Variants in SLC38A4 observed in about 807,000 individuals in gnomAD.
SLC38A4 encodes sodium-coupled neutral amino acid transporter 4.
SLC38A4 carries 20 observed loss-of-function variants against 63.1 expected under a neutral mutation model. The ratio of observed to expected loss-of-function variants is 0.32; its 90% CI spans 0.22 to 0.46. The LOEUF (loss-of-function observed/expected upper bound fraction) is 0.46, where lower values mean the gene tolerates loss of function less well. SLC38A4 is among the 20% of genes least tolerant of loss of function. The pLI is 1.00. For missense variants in SLC38A4, 526 were observed against 663.6 expected (o/e 0.79, Z 2.28); for synonymous variants, 230 against 225.5 (o/e 1.02, Z -0.18).
At chr12:46,797,149 G>C (rs1939026481) in intron 2 of SLC38A4, among the ~76,000 whole-genome samples, 1 of 152,070 alleles carries the variant, frequency 6.6e-6, no homozygotes, top group African/African-American at 2.4e-5. Flanking sequence ...CCACTCCCAA[G>C]ACTTCATATA....
At chr12:46,788,837 A>C (rs971802141) in intron 3 of SLC38A4, among the ~76,000 whole-genome samples, 2 of 152,184 alleles carry the variant, frequency 1.3e-5, no homozygotes, top group Admixed American at 1.3e-4. Context: ...TTATAAAGGA[A>C]GGAAATATTA....
intron 2 of SLC38A4, among the ~76,000 whole-genome samples, chr12:46,797,515 C>T (rs1409902471): frequency 1.3e-5 from 2 of 152,148 alleles, no homozygotes; most frequent in Non-Finnish European, 2.9e-5. Context: ...CCTTTGGCCT[C>T]AGATTAAATT....
intron 14 of SLC38A4, among the ~76,000 whole-genome samples, chr12:46,769,794 T>C (rs1938377600): frequency 6.6e-6 from 1 of 152,112 alleles, no homozygotes; most frequent in Non-Finnish European, 1.5e-5. Context: ...TACAGTAACA[T>C]GCTGTACAGG....
In SLC38A4 at chr12:46,802,451, T is replaced by C. The variant is rs116855505; in HGVS notation, c.-113+1152A>G. ...CTTTCTTTAAACTAACTCACATAAC[T>C]AAAAAACAGCTTCAATAACCTTAAA... On this transcript the variant is annotated intron_variant, in intron 2 of 16. Transcript: ENST00000266579. Among the ~76,000 whole-genome samples, 428 of 152,096 alleles carry C rather than the reference T, an allele frequency of 2.8e-3. 2 individuals carry two copies. Among genetic ancestry groups the C allele is most frequent in the Non-Finnish European group, 4.3e-3 (295 of 67,908 alleles).
At chr12:46,819,800 A>G (rs1939505549) in intron 1 of SLC38A4, among the ~76,000 whole-genome samples, 2 of 152,058 alleles carry the variant, frequency 1.3e-5, no homozygotes, top group Middle Eastern at 3.4e-3. Flanking sequence ...CTAGTTTGGA[A>G]CTACTACACA....
At chr12:46,800,141 A>G (rs1343864941) in intron 2 of SLC38A4, among the ~76,000 whole-genome samples, 1 of 152,110 alleles carries the variant, frequency 6.6e-6, no homozygotes, top group Non-Finnish European at 1.5e-5. Context: ...CTCACTGGGT[A>G]GACCTGGCTG....
chr12:46,799,682 G>A (rs1939090965), intron 2 of SLC38A4, among the ~76,000 whole-genome samples: 1 of 152,086 alleles, frequency 6.6e-6, no homozygotes, highest in Non-Finnish European at 1.5e-5. Context: ...TAACTCTGAA[G>A]ATTATATCAC....
chr12:46,815,787 C>T (rs1939431182), intron 1 of SLC38A4, among the ~76,000 whole-genome samples: 2 of 151,858 alleles, frequency 1.3e-5, no homozygotes, highest in African/African-American at 4.8e-5. Context: ...TCCAGGCAAA[C>T]ATTTCAGGAA....
chr12:46,779,781 T>G lies in SLC38A4; in HGVS notation c.657A>C (p.Leu219Phe), dbSNP rs1487020102. The G allele has an allele frequency of 1.2e-6, 2 of 1,606,044 alleles. No individual in the cohort carries two copies. The highest frequency in any genetic ancestry group is 2.2e-5 in the South Asian group (2 of 89,204). ...TTTCCAGTTAGAAAATATCTTTACC[T>G]AAATTTTTAAGGAGCGAAAGTGGAA... is the stretch of plus-strand genomic sequence containing the variant. ...IILPLSLLKNLGYLGYTSGFS... is the reference protein window; with the variant it reads ...IILPLSLLKNFGYLGYTSGFS... The change falls in exon 9 of 17, where the codon TTA becomes TTC. Residue 219 changes from leucine to phenylalanine, a missense_variant and splice_region_variant. Physicochemically the swap from Leu to Phe is conservative, Grantham distance 22 (BLOSUM62 0). Transcript: ENST00000266579.
chr12:46,779,443 A>C (rs1052752732), intron 10 of SLC38A4, among the ~76,000 whole-genome samples, 168 bp downstream of exon 10: 6 of 152,000 alleles, frequency 3.9e-5, no homozygotes, highest in African/African-American at 1.4e-4. Context: ...ACTATCTTTA[A>C]ATCGTAGCTG....
At position 46,766,079 on chromosome 12, in the gene SLC38A4, A is replaced by T. The variant is rs1938292572; in HGVS notation, c.*622T>A. 1.6e-5 allele frequency: 3 copies of T among 189,774 alleles called. No homozygotes were observed. The South Asian group carries it at 3.2e-4, about 20-fold the overall frequency. The allele number at this position is 189,774 out of a possible 1,614,324, so 11.8% of individuals were successfully genotyped here. A position where few individuals can be genotyped will look rare whatever the true frequency, so the allele number is the denominator to read the frequency against. On this transcript the variant is annotated 3_prime_UTR_variant, in exon 17 of 17. Transcript: ENST00000266579. ...TTTAACATTTACAAAAATCTATTGA[A>T]TATAGAAGTCACAACTCAATGTCAC...
At chr12:46,768,783 T>C (rs1390750372) in intron 15 of SLC38A4, among the ~76,000 whole-genome samples, 1 of 152,098 alleles carries the variant, frequency 6.6e-6, no homozygotes, top group Non-Finnish European at 1.5e-5. Context: ...AAGTTTTAGA[T>C]TGTGTTTAAA....
chr12:46,788,692 G>A, intron 3 of SLC38A4, 74 bp from the exon 4 acceptor site: 1 of 1,302,200 alleles, frequency 7.7e-7, no homozygotes, highest in African/African-American at 1.5e-5. Flanking sequence ...TATGTTTCAG[G>A]TGATCTAAGT....
rs2430921 is a variant in SLC38A4, at chr12:46,765,413, A to T, written c.*1288T>A. On this transcript the variant is annotated 3_prime_UTR_variant, in exon 17 of 17. Transcript: ENST00000266579. ...ACCTGTGTGAGCTAAACTGAACTAAATCCTATTTTAGATATGCTAAATTAA... is the reference window on the plus strand; with the variant it reads ...ACCTGTGTGAGCTAAACTGAACTAATTCCTATTTTAGATATGCTAAATTAA... The T allele has an allele frequency of 0.71, 240,039 of 336,388 alleles. 88,320 individuals carry two copies. The highest frequency in any genetic ancestry group is 0.79 in the Middle Eastern group (1,970 of 2,502). 20.8% of individuals were successfully genotyped at this position (336,388 alleles called of 1,614,324 possible).
intron 1 of SLC38A4, among the ~76,000 whole-genome samples, chr12:46,820,098 A>G (rs1319137456): frequency 6.6e-6 from 1 of 151,994 alleles, no homozygotes; most frequent in African/African-American, 2.4e-5. Context: ...GGACATGTCT[A>G]TACACTTGTG....
At chr12:46,796,110 G>A (rs146225225) in intron 2 of SLC38A4, among the ~76,000 whole-genome samples, 1 of 152,086 alleles carries the variant, frequency 6.6e-6, no homozygotes, top group African/African-American at 2.4e-5. Flanking sequence ...ACTGCTCGAT[G>A]TTCAGGAATA....
upstream of SLC38A4, among the ~76,000 whole-genome samples, chr12:46,829,596 G>A (rs1374717169): frequency 6.6e-6 from 1 of 152,178 alleles, no homozygotes; most frequent in Non-Finnish European, 1.5e-5. Context: ...CTGATAAACT[G>A]ACATGGAACA....
chr12:46,766,805 G>A lies in SLC38A4; in HGVS notation c.1543-3C>T, dbSNP rs532929990. On this transcript the variant is annotated splice_polypyrimidine_tract_variant and splice_region_variant and intron_variant, in intron 16 of 16. Coordinates refer to ENST00000266579, the MANE Select transcript of SLC38A4 (RefSeq NM_018018.5). Reference sequence around the variant, plus strand: ...CCAACCACAAGGAAAATTAAAGCCTGTAATTCAGAGAGACTCTGTTAGGAG... The same window carrying A: ...CCAACCACAAGGAAAATTAAAGCCTATAATTCAGAGAGACTCTGTTAGGAG... The A allele has an allele frequency of 1.3e-6, 2 of 1,596,088 alleles. No individual in the cohort carries two copies. The highest frequency in any genetic ancestry group is 1.1e-5 in the South Asian group (1 of 90,082).
At chr12:46,789,220 T>G (rs1195825419) in intron 3 of SLC38A4, among the ~76,000 whole-genome samples, 3 of 151,770 alleles carry the variant, frequency 2.0e-5, no homozygotes, top group Non-Finnish European at 4.4e-5. Flanking sequence ...TTTTTTTTTT[T>G]TGGTACAATC....
Sources: gnomAD v4.1 joint callset for allele counts (sites outside exome capture counted in the v4.1 genomes callset) on GRCh38, gnomAD v4.1.1 for gene constraint, MANE v1.5 for transcripts, NCBI Gene and HGNC (gene_info 2026-07-23, HGNC 2026-07-21) for gene names.